TRIM2: variants seen among roughly 807,000 people sequenced by gnomAD.
The protein encoded by TRIM2 is tripartite motif-containing protein 2.
Under a neutral mutation model 75.2 loss-of-function variants are expected in TRIM2, and 20 were observed. That is an observed-to-expected ratio of 0.27 (90% CI 0.19 to 0.39). TRIM2 has a LOEUF of 0.39. Among genes scored for constraint, TRIM2 ranks in the 10% least tolerant of loss-of-function variants. The pLI is 1.00. For synonymous variants in TRIM2, 373 were observed against 388.3 expected (o/e 0.96, Z 0.46); for missense variants, 660 against 990.8 (o/e 0.67, Z 4.48).
At chr4:153,269,225 A>G (rs535594713) in intron 1 of TRIM2, among the ~76,000 whole-genome samples, 1 of 152,198 alleles carries the variant, frequency 6.6e-6, no homozygotes, top group Non-Finnish European at 1.5e-5. Flanking sequence ...GGTTTTATAT[A>G]CCATTTTGAC....
chr4:153,205,783 G>T (rs183858023), intron 1 of TRIM2, among the ~76,000 whole-genome samples: 3 of 152,112 alleles, frequency 2.0e-5, no homozygotes, highest in Non-Finnish European at 2.9e-5. Flanking sequence ...TGCTGTTTGC[G>T]GATCCTGGAG....
intron 3 of TRIM2, among the ~76,000 whole-genome samples, chr4:153,283,633 GT>G (rs1206575471): frequency 7.0e-6 from 1 of 142,918 alleles, no homozygotes; most frequent in Non-Finnish European, 1.5e-5. Context: ...ACCGTCAACT[GT>G]TTTTTTTCTT....
chr4:153,167,100 G>A (rs546083654), intron 1 of TRIM2, among the ~76,000 whole-genome samples: 2 of 152,332 alleles, frequency 1.3e-5, no homozygotes, highest in South Asian at 4.1e-4. Flanking sequence ...GTTACTAGTT[G>A]CATGACCTTG....
chr4:153,201,215 C>A (rs757296814), upstream of TRIM2, among the ~76,000 whole-genome samples: 1 of 152,170 alleles, frequency 6.6e-6, no homozygotes, highest in South Asian at 2.1e-4. Context: ...CCACCCAACT[C>A]GGCCTCCCAA....
At chr4:153,175,213 G>T (rs961045913) in intron 1 of TRIM2, among the ~76,000 whole-genome samples, 5 of 151,948 alleles carry the variant, frequency 3.3e-5, no homozygotes, top group African/African-American at 9.7e-5. Flanking sequence ...GTAGAGACAG[G>T]GTTTCACCAT....
At chr4:153,322,345 A>G (rs1360648941) in intron 8 of TRIM2, among the ~76,000 whole-genome samples, 3 of 152,206 alleles carry the variant, frequency 2.0e-5, no homozygotes. Flanking sequence ...CAGGAGGTGG[A>G]GGTTGCAGTG....
intron 1 of TRIM2, among the ~76,000 whole-genome samples, chr4:153,255,488 G>A (rs1375740534): frequency 6.6e-6 from 1 of 152,210 alleles, no homozygotes; most frequent in Non-Finnish European, 1.5e-5. Flanking sequence ...AGAATGAGAA[G>A]AAGAAAGGAC....
upstream of TRIM2, among the ~76,000 whole-genome samples, chr4:153,200,724 A>AAAAAAAATAT (rs1405991305): frequency 7.2e-6 from 1 of 138,144 alleles, no homozygotes. Flanking sequence ...AAGAAAAAAA[A>AAAAAAAATAT]ATATATATAT....
At chr4:153,204,682 A>G (rs1432711384) in intron 1 of TRIM2, 122 bp downstream of exon 1, 23 of 1,268,254 alleles carry the variant, frequency 1.8e-5, no homozygotes, top group Non-Finnish European at 2.6e-5. Flanking sequence ...TTCCCTGCAG[A>G]AGAGGGAAGG....
At position 153,177,502 on chromosome 4, in the gene TRIM2, C is replaced by T. The variant is rs1579335470; in HGVS notation, c.-49+24232C>T. The stretch of plus-strand genomic sequence containing the variant: ...CTCTACTAAAAATACAAAAATTAGC[C>T]AGGCATGGTGGCACATGCCTGTAAT... On this transcript the variant is annotated intron_variant, in intron 1 of 11. Coordinates refer to the TRIM2 transcript ENST00000437508. Among the ~76,000 whole-genome samples, 6 of 152,126 alleles carry T rather than the reference C, an allele frequency of 3.9e-5. No individual in the cohort carries two copies. In the South Asian group the frequency reaches 1.2e-3, roughly 32 times the overall value.
intron 8 of TRIM2, among the ~76,000 whole-genome samples, chr4:153,317,494 A>G (rs573470628): frequency 4.4e-4 from 66 of 151,584 alleles, no homozygotes; most frequent in Non-Finnish European, 7.5e-4. Context: ...TAAAAATACA[A>G]AAAAATTAGC....
intron 2 of TRIM2, 26 bp downstream of exon 2, chr4:153,270,545 GGGAGTTTCGCA>G: frequency 6.4e-7 from 1 of 1,574,302 alleles, no homozygotes; most frequent in Non-Finnish European, 8.6e-7. Context: ...GCTTGGAGAA[GGGAGTTTCGCA>G]GGCTGACCTC....
chr4:153,206,340 T>C (rs537580362), intron 1 of TRIM2, among the ~76,000 whole-genome samples: 8 of 152,344 alleles, frequency 5.3e-5, no homozygotes, highest in African/African-American at 1.7e-4. Flanking sequence ...TGTCTAACTT[T>C]GTGCTGTAAG....
At chr4:153,334,309 A>G (rs888287007) in intron 11 of TRIM2, among the ~76,000 whole-genome samples, 5 of 152,046 alleles carry the variant, frequency 3.3e-5, no homozygotes, top group Middle Eastern at 3.2e-3. Flanking sequence ...GTAGGATTAT[A>G]GATATGATAG....
intron 6 of TRIM2, among the ~76,000 whole-genome samples, chr4:153,297,100 A>C (rs1192593910): frequency 6.6e-6 from 1 of 152,162 alleles, no homozygotes; most frequent in Non-Finnish European, 1.5e-5. Context: ...CAACCATAGA[A>C]CTTTTTCCCT....
chr4:153,182,199 A>G (rs1017820558), intron 1 of TRIM2, among the ~76,000 whole-genome samples: 1 of 152,184 alleles, frequency 6.6e-6, no homozygotes, highest in African/African-American at 2.4e-5. Context: ...CAGAAGGGGT[A>G]AGAGCGCCAA....
intron 11 of TRIM2, among the ~76,000 whole-genome samples, chr4:153,329,307 C>A (rs1403659130): frequency 2.6e-5 from 4 of 151,512 alleles, no homozygotes; most frequent in African/African-American, 9.7e-5. Flanking sequence ...GCTAAATGAC[C>A]CTTGAGTCAA....
chr4:153,184,336 T>G (rs190235422), intron 1 of TRIM2, among the ~76,000 whole-genome samples: 127 of 152,292 alleles, frequency 8.3e-4, no homozygotes, highest in African/African-American at 2.9e-3. Context: ...CTTTCCTTGA[T>G]GTGCACACGT....
At chr4:153,324,901 T>C (rs970321315) in intron 10 of TRIM2, among the ~76,000 whole-genome samples, 1 of 152,218 alleles carries the variant, frequency 6.6e-6, no homozygotes, top group African/African-American at 2.4e-5. Flanking sequence ...AGGGCTACCT[T>C]TTGTTTACAT....
Sources: allele counts gnomAD v4.1 joint callset (sites outside exome capture counted in the v4.1 genomes callset), GRCh38; gene constraint gnomAD v4.1.1; transcripts MANE v1.5; gene names NCBI Gene and HGNC (gene_info 2026-07-23, HGNC 2026-07-21).